EVC: variants seen among roughly 807,000 people sequenced by gnomAD.
The protein encoded by EVC is evC complex member EVC.
Under a neutral mutation model 118.9 loss-of-function variants are expected in EVC, and 116 were observed. The ratio of observed to expected loss-of-function variants is 0.98; its 90% CI spans 0.84 to 1.14. The LOEUF is 1.14. EVC is among the 50% of genes most tolerant of loss of function. EVC has a pLI of 0.00. For synonymous variants in EVC, 619 were observed against 534.7 expected, an observed-to-expected ratio of 1.16 and a Z score of -2.18; for missense variants, 1,401 against 1,246.4, an observed-to-expected ratio of 1.12 and a Z score of -1.87.
intron 12 of EVC, among the ~76,000 whole-genome samples, chr4:5,787,666 G>C (rs1314108779): frequency 6.6e-6 from 1 of 152,216 alleles, no homozygotes; most frequent in Non-Finnish European, 1.5e-5. Context: ...GTAATAAAGT[G>C]TTATAGCAGC....
chr4:5,825,021 A>G, the EVC span: 1 of 985,306 alleles, frequency 1.0e-6, no homozygotes, highest in African/African-American at 1.7e-5. The surrounding 1 kb of genome is among the most constrained non-coding windows in gnomAD (Gnocchi z 4.4). Flanking sequence ...ATAGGGTATA[A>G]TGTTACTTTA....
chr4:5,718,420 C>T (rs918598861), intron 1 of EVC, among the ~76,000 whole-genome samples: 1 of 152,082 alleles, frequency 6.6e-6, no homozygotes, highest in Non-Finnish European at 1.5e-5. Flanking sequence ...GAGGGCATGT[C>T]ATAGTTTTCT....
At chr4:5,730,570 C>A (rs1317230997) in intron 3 of EVC, among the ~76,000 whole-genome samples, 1 of 152,032 alleles carries the variant, frequency 6.6e-6, no homozygotes, top group African/African-American at 2.4e-5. Flanking sequence ...AGAGCGTCAG[C>A]CCCACCCTGG....
At chr4:5,714,935 G>C (rs1723698168) in intron 1 of EVC, among the ~76,000 whole-genome samples, 1 of 151,694 alleles carries the variant, frequency 6.6e-6, no homozygotes, top group East Asian at 1.9e-4. Flanking sequence ...CTCCCAAGTA[G>C]CTGGGACTAC....
chr4:5,731,497 G>T lies in EVC; in HGVS notation c.457G>T (p.Val153Leu). 2 of 1,614,132 alleles carry T rather than the reference G, an allele frequency of 1.2e-6. No individual in the cohort carries two copies. The highest frequency in any genetic ancestry group is 8.5e-7 in the Non-Finnish European group (1 of 1,180,026). ...GCAGGCTGTTTTGCCACACCAGCCG[G>T]TAGAGGCCTCTCCTTCCAGCAGTCT... ...LKQAVLPHQP[V>L]EASPSSSLGS... Residue 153 changes from valine (V) to leucine (L), a missense_variant, in exon 4 of 21, where the codon GTA becomes TTA. Transcript: ENST00000264956. The surrounding 1 kb of genome is among the most constrained non-coding windows in gnomAD (Gnocchi z 5.6).
chr4:5,801,725 T>A, intron 15 of EVC: 1 of 450,744 alleles, frequency 2.2e-6, no homozygotes, highest in Non-Finnish European at 4.1e-6. Flanking sequence ...CGACTTTCCC[T>A]AACATCGCAT....
chr4:5,812,542 C>T lies in EVC; in HGVS notation c.*1505C>T, dbSNP rs1454726964. On this transcript the variant is annotated 3_prime_UTR_variant, in exon 21 of 21. Coordinates refer to ENST00000264956, the MANE Select transcript of EVC (RefSeq NM_153717.3). ...TCCTGCCTGGAGAGAAGCTTCCAGA[C>T]CAGCCCTTCACACCACAGCCAGGAG... 1.2e-5 allele frequency: 2 copies of T among 160,820 alleles called. No individual in the cohort carries two copies. The highest frequency in any genetic ancestry group is 1.9e-4 in the East Asian group (1 of 5,204). 10.0% of individuals were successfully genotyped at this position (160,820 alleles called of 1,614,324 possible).
At chr4:5,779,162 A>G (rs552693364) in intron 11 of EVC, among the ~76,000 whole-genome samples, 2,343 of 150,386 alleles carry the variant, frequency 0.016, 22 homozygotes, top group Non-Finnish European at 0.024. Context: ...GATATGCGGC[A>G]TTATTTCTGA....
rs1725714736 is a variant in EVC at position 5,725,790 on chromosome 4, G to T, written c.301-3517G>T. The stretch of plus-strand genomic sequence containing the variant: ...CATTTTTGTCGTGAAATCTTTGCCT[G>T]TGCCTGTGTCCTGAATGGTATTGCC... On this transcript the variant is annotated intron_variant, in intron 2 of 20. Coordinates refer to ENST00000264956, the MANE Select transcript of EVC (RefSeq NM_153717.3). Among the ~76,000 whole-genome samples, 3 of 152,188 alleles carry T rather than the reference G, an allele frequency of 2.0e-5. No homozygotes were observed. The South Asian group carries it at 6.2e-4, about 32-fold the overall frequency.
intron 11 of EVC, among the ~76,000 whole-genome samples, chr4:5,762,098 G>A (rs1472859031): frequency 1.5e-5 from 2 of 131,336 alleles, no homozygotes; most frequent in South Asian, 2.5e-4. Flanking sequence ...TCCCCTTCCT[G>A]TGTCCATGAG....
At chr4:5,783,901 A>G (rs1001273030) in intron 12 of EVC, 137 bp downstream of exon 12, 5 of 788,408 alleles carry the variant, frequency 6.3e-6, no homozygotes, top group Non-Finnish European at 8.4e-6. Context: ...CCTCCCTTTC[A>G]CAATGGCCCA....
At chr4:5,824,898 A>G in the EVC span, 1 of 985,368 alleles carries the variant, frequency 1.0e-6, no homozygotes, top group South Asian at 4.7e-5. Context: ...GACCTTAAGA[A>G]AGTCAGGAGG....
At chr4:5,762,039 C>G (rs889257920) in intron 11 of EVC, among the ~76,000 whole-genome samples, 3 of 111,204 alleles carry the variant, frequency 2.7e-5, no homozygotes, top group African/African-American at 1.0e-4. Context: ...TCTCCCAGTG[C>G]TATCCCTCCC....
intron 14 of EVC, among the ~76,000 whole-genome samples, chr4:5,797,587 C>T (rs1714217375): frequency 6.6e-6 from 1 of 152,164 alleles, no homozygotes; most frequent in Admixed American, 6.5e-5. Flanking sequence ...CATATTGGAT[C>T]AAGGCCCACG....
intron 11 of EVC, among the ~76,000 whole-genome samples, chr4:5,760,861 G>A (rs1215518990): frequency 6.6e-6 from 1 of 152,166 alleles, no homozygotes; most frequent in Non-Finnish European, 1.5e-5. Context: ...CTGGCCCAAG[G>A]CCTGTGTCAG....
intron 11 of EVC, among the ~76,000 whole-genome samples, chr4:5,767,686 T>G (rs1268627164): frequency 6.6e-6 from 1 of 152,082 alleles, no homozygotes; most frequent in East Asian, 1.9e-4. Flanking sequence ...GTCACCCCTT[T>G]CTTTGATTAG....
At chr4:5,825,193 G>C in the EVC span, 8 of 985,280 alleles carry the variant, frequency 8.1e-6, no homozygotes, top group Non-Finnish European at 9.6e-6. This position sits in a 1 kb window ranked among gnomAD's most constrained non-coding sequence, Gnocchi z 4.4. Flanking sequence ...TCATGAGGAA[G>C]AGTGTGAAAG....
chr4:5,752,687 G>A, intron 8 of EVC, 149 bp from the exon 9 acceptor site: 1 of 804,908 alleles, frequency 1.2e-6, no homozygotes, highest in Non-Finnish European at 2.1e-6. Context: ...CGCTCATGAA[G>A]GAGAGGGGGA....
intron 5 of EVC, among the ~76,000 whole-genome samples, 197 bp downstream of exon 5, chr4:5,733,632 A>G (rs1194960216): frequency 6.6e-6 from 1 of 152,188 alleles, no homozygotes; most frequent in African/African-American, 2.4e-5. Context: ...TTGGTGGGGC[A>G]TGGCCTTGAC....
Sources: allele counts gnomAD v4.1 joint callset (sites outside exome capture counted in the v4.1 genomes callset), GRCh38; gene constraint gnomAD v4.1.1; non-coding constraint Gnocchi (gnomAD v3.1); transcripts MANE v1.5; gene names NCBI Gene and HGNC (gene_info 2026-07-23, HGNC 2026-07-21).